Variants in SPAG16 observed in about 807,000 individuals in gnomAD.
The protein encoded by SPAG16 is sperm-associated antigen 16 protein.
Under a neutral mutation model 80.4 loss-of-function variants are expected in SPAG16, and 86 were observed. The observed-to-expected ratio is 1.07, with a 90% CI of 0.90 to 1.28. SPAG16 has a LOEUF of 1.28. SPAG16 is among the 50% of genes most tolerant of loss of function. The pLI is 0.00. For synonymous variants in SPAG16, 294 were observed against 265.9 expected (o/e 1.11, Z -1.03); for missense variants, 870 against 765.3 (o/e 1.14, Z -1.61).
At chr2:213,929,896 T>G (rs527680807) in intron 11 of SPAG16, 64 bp from the exon 12 acceptor site, 5 of 1,402,998 alleles carry the variant, frequency 3.6e-6, no homozygotes, top group African/African-American at 1.4e-5. Flanking sequence ...ACTCATAGAA[T>G]GCAGTATTCA....
intron 12 of SPAG16, among the ~76,000 whole-genome samples, chr2:213,940,747 G>A (rs2079165734): frequency 6.6e-6 from 1 of 152,028 alleles, no homozygotes; most frequent in Non-Finnish European, 1.5e-5. Flanking sequence ...TACTACCTAT[G>A]TTCCTAATCT....
intron 15 of SPAG16, among the ~76,000 whole-genome samples, chr2:214,267,463 G>A (rs187214196): frequency 7.3e-5 from 11 of 151,604 alleles, no homozygotes; most frequent in Non-Finnish European, 1.2e-4. Context: ...ATAAAAATAG[G>A]CTCTTATTTC....
In SPAG16 at chr2:214,248,632, C is replaced by T. The variant is rs151230465; in HGVS notation, c.1720+99366C>T. 1.2e-4 allele frequency among the ~76,000 whole-genome samples: 18 copies of T among 152,002 alleles called. No homozygotes were observed. In the East Asian group the frequency reaches 3.3e-3, roughly 28 times the overall value. On this transcript the variant is annotated intron_variant, in intron 15 of 15. Coordinates refer to ENST00000331683, the MANE Select transcript of SPAG16 (RefSeq NM_024532.5). ...ATGCCCGGCCGTGCTAGGCACTATT[C>T]TAAGCACTTGATTTTGCAATGAAAA...
intron 10 of SPAG16, among the ~76,000 whole-genome samples, chr2:213,624,746 T>C (rs1361817728): frequency 6.6e-6 from 1 of 152,222 alleles, no homozygotes; most frequent in African/African-American, 2.4e-5. Flanking sequence ...TCCTCTGTAC[T>C]TGCTGAATGC....
At chr2:214,240,010 G>A (rs1303100935) in intron 15 of SPAG16, 1 of 152,098 alleles carries the variant, frequency 6.6e-6, no homozygotes, top group African/African-American at 2.4e-5. Context: ...CAATACCCAC[G>A]CCAGATAAGC....
At chr2:213,430,157 A>G (rs72939095) in intron 9 of SPAG16, among the ~76,000 whole-genome samples, 2,134 of 152,274 alleles carry the variant, frequency 0.014, 25 homozygotes, top group Middle Eastern at 0.027. Context: ...AAACAAACAC[A>G]CAGAACTTCT....
chr2:213,774,747 G>A (rs2069464319), intron 10 of SPAG16, among the ~76,000 whole-genome samples: 1 of 152,166 alleles, frequency 6.6e-6, no homozygotes, highest in South Asian at 2.1e-4. Context: ...CTAGATAGGA[G>A]ATGGCTCAAT....
chr2:214,014,489 G>A (rs1189606511), intron 13 of SPAG16, among the ~76,000 whole-genome samples: 1 of 152,186 alleles, frequency 6.6e-6, no homozygotes, highest in Non-Finnish European at 1.5e-5. Flanking sequence ...AAAGCAAGGA[G>A]GAGGATTCAT....
At chr2:214,129,903 G>T (rs568594305) in intron 14 of SPAG16, among the ~76,000 whole-genome samples, 2 of 152,222 alleles carry the variant, frequency 1.3e-5, no homozygotes, top group African/African-American at 4.8e-5. Flanking sequence ...AACTCTGAAA[G>T]ATTCTTTGTG....
intron 10 of SPAG16, among the ~76,000 whole-genome samples, chr2:213,757,647 A>G (rs1293093056): frequency 1.3e-5 from 2 of 152,156 alleles, no homozygotes; most frequent in African/African-American, 2.4e-5. Flanking sequence ...ATGGCGAATT[A>G]TGATTAATTT....
At chr2:213,712,502 TAAAAGATGACAAGAG>T (rs2066044088) in intron 10 of SPAG16, among the ~76,000 whole-genome samples, 1 of 152,252 alleles carries the variant, frequency 6.6e-6, no homozygotes, top group East Asian at 1.9e-4. Context: ...GCCAGACTTG[TAAAAGATGACAAGAG>T]AAATTATTCT....
chr2:214,385,714 C>T (rs553156404), intron 15 of SPAG16, among the ~76,000 whole-genome samples: 7 of 151,866 alleles, frequency 4.6e-5, no homozygotes, highest in South Asian at 2.1e-4. Context: ...TGTGGTGGCA[C>T]GCACCTGTAG....
intron 15 of SPAG16, among the ~76,000 whole-genome samples, chr2:214,161,143 T>C (rs1056250851): frequency 2.0e-4 from 30 of 152,304 alleles, no homozygotes; most frequent in Middle Eastern, 3.4e-3. Context: ...TGTTCCTTTC[T>C]ATGGCTGCAT....
At chr2:213,707,583 G>A (rs188571273) in intron 10 of SPAG16, among the ~76,000 whole-genome samples, 7 of 151,972 alleles carry the variant, frequency 4.6e-5, no homozygotes, top group Admixed American at 2.0e-4. Context: ...TGATATGAAA[G>A]TAGGTGCTCT....
At chr2:214,210,719 G>GC (rs1175626796) in intron 15 of SPAG16, among the ~76,000 whole-genome samples, 1 of 151,874 alleles carries the variant, frequency 6.6e-6, no homozygotes, top group African/African-American at 2.4e-5. Flanking sequence ...AATATCAAAG[G>GC]CCTTAGAAAC....
chr2:213,899,618 A>G (rs762748051), intron 11 of SPAG16, among the ~76,000 whole-genome samples: 2 of 152,062 alleles, frequency 1.3e-5, no homozygotes, highest in Non-Finnish European at 2.9e-5. Context: ...AATTGTCACT[A>G]TAATATTCTA....
intron 10 of SPAG16, among the ~76,000 whole-genome samples, chr2:213,752,180 T>C (rs1006826402): frequency 1.3e-5 from 2 of 152,198 alleles, no homozygotes; most frequent in Non-Finnish European, 2.9e-5. Context: ...ACATATTCCG[T>C]TGATTTTTCT....
At chr2:213,494,717 T>G (rs1357666621) in intron 10 of SPAG16, among the ~76,000 whole-genome samples, 1 of 152,156 alleles carries the variant, frequency 6.6e-6, no homozygotes, top group Non-Finnish European at 1.5e-5. Context: ...GTCTTCCCCT[T>G]GTTGAAAAAA....
chr2:213,751,939 A>G (rs1388154057), intron 10 of SPAG16, among the ~76,000 whole-genome samples: 4 of 152,196 alleles, frequency 2.6e-5, no homozygotes, highest in African/African-American at 4.8e-5. Flanking sequence ...CCACAAAACC[A>G]AATTGGAAAC....
Sources: allele counts gnomAD v4.1 joint callset (sites outside exome capture counted in the v4.1 genomes callset), GRCh38; gene constraint gnomAD v4.1.1; transcripts MANE v1.5; gene names NCBI Gene and HGNC (gene_info 2026-07-23, HGNC 2026-07-21).